The following TUT4 variants were observed in gnomAD, a reference collection of about 807,000 sequenced individuals.
TUT4 encodes terminal uridylyltransferase 4.
In TUT4, 36 loss-of-function variants were observed where a neutral mutation model predicts 192.2. The observed-to-expected ratio is 0.19, with a 90% CI of 0.14 to 0.25. The LOEUF (loss-of-function observed/expected upper bound fraction) is 0.25. Among genes scored for constraint, TUT4 ranks in the 10% least tolerant of loss-of-function variants. TUT4 has a pLI of 1.00. For synonymous variants in TUT4, 618 were observed against 666.0 expected, an observed-to-expected ratio of 0.93 and a Z score of 1.11; for missense variants, 1,493 against 1,957.2, an observed-to-expected ratio of 0.76 and a Z score of 4.47.
chr1:52,462,175 C>CTTTTTTTTTTTTTTTTTTTTTTT (rs1210058850), intron 16 of TUT4: 5 of 121,060 alleles, frequency 4.1e-5, no homozygotes, highest in African/African-American at 9.5e-5. Context: ...GGATTCAAAT[C>CTTTTTTTTTTTTTTTTTTTTTTT]TTTTTTTTTT....
intron 2 of TUT4, among the ~76,000 whole-genome samples, chr1:52,521,541 T>C (rs1680281731): frequency 1.3e-5 from 2 of 151,930 alleles, no homozygotes; most frequent in South Asian, 2.1e-4. Flanking sequence ...GGTACACGCC[T>C]GCAGTCCCAG....
At chr1:52,519,666 C>T (rs1407295650) in intron 2 of TUT4, among the ~76,000 whole-genome samples, 2 of 151,906 alleles carry the variant, frequency 1.3e-5, no homozygotes, top group Non-Finnish European at 2.9e-5. Flanking sequence ...TGCGCCACCA[C>T]GCCCAGCTAA....
chr1:52,481,320 G>T, intron 11 of TUT4, 103 bp downstream of exon 11: 1 of 1,237,062 alleles, frequency 8.1e-7, no homozygotes, highest in South Asian at 1.4e-5. Flanking sequence ...AGGCCAAGAG[G>T]CTTGCTCAAG....
intron 1 of TUT4, among the ~76,000 whole-genome samples, chr1:52,544,114 C>T (rs1258399613): frequency 4.6e-5 from 7 of 151,618 alleles, no homozygotes; most frequent in South Asian, 2.1e-4. Context: ...GGTGAAACCC[C>T]GTCTCTACTA....
chr1:52,466,611 A>C (rs1372640491), intron 15 of TUT4, among the ~76,000 whole-genome samples: 2 of 149,152 alleles, frequency 1.3e-5, no homozygotes, highest in African/African-American at 2.5e-5. Context: ...GCACCACTGC[A>C]GTTGAGCCCG....
In TUT4 at chr1:52,445,743, T is replaced by C. The variant is rs145521302; in HGVS notation, c.3822+44A>G. The C allele has an allele frequency of 7.6e-5, 109 of 1,433,832 alleles. No homozygotes were observed. The Middle Eastern group carries it at 7.8e-4, about 10-fold the overall frequency. 88.8% of individuals were successfully genotyped at this position (1,433,832 alleles called of 1,614,324 possible). A position where few individuals can be genotyped will look rare whatever the true frequency, so the allele number is the denominator to read the frequency against. On this transcript the variant is annotated intron_variant, in intron 24 of 29. Transcript: ENST00000257177. Reference sequence around the variant, plus strand: ...AAACACAATTAAGTTTCTTGTTCTATTTAAAAAAAGAAAAGATTCACAATT... The same window carrying C: ...AAACACAATTAAGTTTCTTGTTCTACTTAAAAAAAGAAAAGATTCACAATT...
intron 1 of TUT4, among the ~76,000 whole-genome samples, chr1:52,546,125 C>T (rs1004939595): frequency 1.3e-5 from 2 of 152,028 alleles, no homozygotes; most frequent in Middle Eastern, 3.4e-3. Flanking sequence ...GGAGACAGAG[C>T]CAGATCTTGT....
intron 16 of TUT4, chr1:52,463,039 T>G (rs569772564): frequency 5.1e-6 from 5 of 984,422 alleles, no homozygotes; most frequent in Non-Finnish European, 6.0e-6. Flanking sequence ...ACAAAGGAGG[T>G]AATTTTTCTC....
At chr1:52,437,645 A>C (rs894954945) in intron 25 of TUT4, 1 of 152,414 alleles carries the variant, frequency 6.6e-6, no homozygotes, top group African/African-American at 2.4e-5. Flanking sequence ...GTCAATAAAC[A>C]GTTCTTCATT....
rs1346694810 is a variant in TUT4, at chr1:52,528,510, G to T, written c.-93-2137C>A. Among the ~76,000 whole-genome samples, 5 of 148,292 alleles carry T rather than the reference G, an allele frequency of 3.4e-5. No individual in the cohort carries two copies. The East Asian group carries it at 7.9e-4, about 23-fold the overall frequency. ...TGTCTCAAAAAAAAAAAAAAAAAGT[G>T]ATTTTATTAAAAAATCAGGATGTTT... On this transcript the variant is annotated intron_variant, in intron 1 of 29. Coordinates refer to ENST00000257177, the MANE Select transcript of TUT4 (RefSeq NM_001009881.3).
chr1:52,492,023 T>C (rs993672888), intron 7 of TUT4, among the ~76,000 whole-genome samples: 3 of 152,166 alleles, frequency 2.0e-5, no homozygotes, highest in African/African-American at 7.2e-5. Context: ...CTTAAGATAA[T>C]CTACTTATAT....
intron 2 of TUT4, among the ~76,000 whole-genome samples, chr1:52,524,197 AAAAG>A (rs1681069578): frequency 1.3e-5 from 2 of 152,218 alleles, no homozygotes; most frequent in African/African-American, 4.8e-5. Flanking sequence ...CATTATACTC[AAAAG>A]GATTTTTTTA....
intron 20 of TUT4, among the ~76,000 whole-genome samples, chr1:52,448,483 G>A (rs1378953005): frequency 6.6e-6 from 1 of 151,822 alleles, no homozygotes; most frequent in African/African-American, 2.4e-5. Context: ...CAGCTACTTG[G>A]GAGGCGGAGG....
intron 15 of TUT4, among the ~76,000 whole-genome samples, chr1:52,465,735 G>T (rs1003903689): frequency 1.3e-5 from 2 of 152,174 alleles, no homozygotes; most frequent in Non-Finnish European, 2.9e-5. Context: ...AGTATACGAT[G>T]CTCTTCCAAA....
rs533392439 is a variant in TUT4 at position 52,509,105 on chromosome 1, T to G, written c.999+491A>C. On this transcript the variant is annotated intron_variant, in intron 4 of 29. Coordinates refer to ENST00000257177, the MANE Select transcript of TUT4 (RefSeq NM_001009881.3). ...CTAGGCCACTCACCTTTTTGCCATT[T>G]AAACTACTACTTCATTCAAAAGTCA... is the stretch of plus-strand genomic sequence containing the variant. 4.6e-5 allele frequency among the ~76,000 whole-genome samples: 7 copies of G among 152,338 alleles called. No individual in the cohort carries two copies. In the East Asian group the frequency reaches 1.3e-3, roughly 29 times the overall value.
rs774119598 is a variant in TUT4 at position 52,515,926 on chromosome 1, G to A, written c.847C>T (p.Arg283Cys). 4.3e-6 allele frequency: 7 copies of A among 1,613,370 alleles called. No individual in the cohort carries two copies. Among genetic ancestry groups the A allele is most frequent in the South Asian group, 3.3e-5 (3 of 91,056 alleles). The change falls in exon 3 of 30, where the codon CGC becomes TGC. Residue 283 changes from arginine (R) to cysteine (C), a missense_variant. By Grantham distance (180) the Arg-to-Cys change is radical (BLOSUM62 -3). Coordinates refer to ENST00000257177, the MANE Select transcript of TUT4 (RefSeq NM_001009881.3). ...QRLGLKQAEE[R>C]LERDHIFRLE... Reference sequence around the variant, plus strand: ...CGAAAGATGTGATCTCTTTCTAAGCGTTCTTCTGCTTGTTTCAACCCCAGC... The same window carrying A: ...CGAAAGATGTGATCTCTTTCTAAGCATTCTTCTGCTTGTTTCAACCCCAGC...
chr1:52,515,494 A>G (rs1489642630), intron 3 of TUT4: 9 of 282,574 alleles, frequency 3.2e-5, no homozygotes, highest in Non-Finnish European at 5.3e-5. Flanking sequence ...AAGCTCTGTG[A>G]CAACTACTCA....
intron 28 of TUT4, among the ~76,000 whole-genome samples, chr1:52,428,580 C>T (rs534177470): frequency 6.9e-6 from 1 of 145,162 alleles, no homozygotes; most frequent in African/African-American, 2.6e-5. Flanking sequence ...GAGCTGAGAT[C>T]GTGCCACTGC....
At chr1:52,472,666 T>C (rs566185719) in intron 13 of TUT4, among the ~76,000 whole-genome samples, 1 of 151,940 alleles carries the variant, frequency 6.6e-6, no homozygotes, top group South Asian at 2.1e-4. Flanking sequence ...TAAAAATAAA[T>C]TAGCTTCATA....
Sources: gnomAD v4.1 joint callset for allele counts (sites outside exome capture counted in the v4.1 genomes callset) on GRCh38, gnomAD v4.1.1 for gene constraint, MANE v1.5 for transcripts, NCBI Gene and HGNC (gene_info 2026-07-23, HGNC 2026-07-21) for gene names.